SNX13: variants seen among roughly 807,000 people sequenced by gnomAD.
The protein encoded by SNX13 is sorting nexin-13.
SNX13 carries 45 observed loss-of-function variants against 133.6 expected under a neutral mutation model. The ratio of observed to expected loss-of-function variants is 0.34; its 90% confidence interval spans 0.27 to 0.43. The LOEUF (loss-of-function observed/expected upper bound fraction) is 0.43, where lower values mean the gene tolerates loss of function less well. Ranked by LOEUF, SNX13 falls within the 20% of genes least tolerant of loss-of-function variation. The pLI, the probability that SNX13 is intolerant of heterozygous loss-of-function variation, is 1.00. For synonymous variants in SNX13, 414 were observed against 373.9 expected, an observed-to-expected ratio of 1.11 and a Z score of -1.24; for missense variants, 1,032 against 1,145.1, an observed-to-expected ratio of 0.90 and a Z score of 1.43.
chr7:17,923,364 G>A (rs1800347455), intron 1 of SNX13, among the ~76,000 whole-genome samples: 1 of 152,098 alleles, frequency 6.6e-6, no homozygotes, highest in Non-Finnish European at 1.5e-5. Context: ...CTATTTAAAT[G>A]GCAAATAAAA....
At chr7:17,893,472 A>C in intron 2 of SNX13, 38 bp from the exon 3 acceptor site, 1 of 1,269,800 alleles carries the variant, frequency 7.9e-7, no homozygotes, top group Non-Finnish European at 1.1e-6. Flanking sequence ...TAAAAACAAA[A>C]TTTCCTTATA....
At chr7:17,806,035 G>C (rs543700583) in intron 20 of SNX13, among the ~76,000 whole-genome samples, 4 of 152,286 alleles carry the variant, frequency 2.6e-5, no homozygotes, top group South Asian at 2.1e-4. Context: ...AAAACTTTCA[G>C]ATGATCATGC....
chr7:17,897,383 G>A lies in SNX13; in HGVS notation c.76C>T (p.Pro26Ser). The A allele has an allele frequency of 2.5e-6, 4 of 1,604,724 alleles. No homozygotes were observed. The highest frequency in any genetic ancestry group is 3.4e-6 in the Non-Finnish European group (4 of 1,175,028). Reference sequence around the variant, plus strand: ...AATGTCAAATAAAATATTACAAAGGGTCCAAAGGTTATCAGAAAAAGGACA... The same window carrying A: ...AATGTCAAATAAAATATTACAAAGGATCCAAAGGTTATCAGAAAAAGGACA... ...GIVLFLITFG[P>S]FVIFYLTFYI... is the part of the protein sequence containing the mutation. Residue 26 changes from proline (P) to serine (S), a missense_variant, in exon 2 of 26, where the codon CCC becomes TCC. Transcript: ENST00000428135.
chr7:17,814,074 T>A (rs1399470375), intron 20 of SNX13, among the ~76,000 whole-genome samples: 2 of 152,176 alleles, frequency 1.3e-5, no homozygotes, highest in East Asian at 3.8e-4. Flanking sequence ...AATACCAGCT[T>A]CCCCCACTGC....
At chr7:17,838,468 T>C (rs1260938074) in intron 13 of SNX13, among the ~76,000 whole-genome samples, 1 of 151,934 alleles carries the variant, frequency 6.6e-6, no homozygotes, top group Non-Finnish European at 1.5e-5. Context: ...TTTTCTGTTT[T>C]CTATTCACTG....
intron 9 of SNX13, among the ~76,000 whole-genome samples, chr7:17,853,811 G>A (rs191783142): frequency 0.015 from 2,297 of 152,060 alleles, 60 homozygotes; most frequent in African/African-American, 0.053. Flanking sequence ...GCATGCTGGT[G>A]GGCACCTGTA....
At chr7:17,832,026 A>T (rs1314233297) in intron 15 of SNX13, 1 of 983,900 alleles carries the variant, frequency 1.0e-6, no homozygotes, top group African/African-American at 1.8e-5. Flanking sequence ...ATCAATTAGG[A>T]AACAAAATAT....
Position 17,792,051 on chromosome 7 carries a change from G to A in SNX13, c.*1994C>T, listed in dbSNP as rs1048656686. ...TTTATTTCCCTAATTGATGGCCAGT[G>A]CTCCTCACATTATATAGAAATGCTT... On this transcript the variant is annotated 3_prime_UTR_variant, in exon 26 of 26. Transcript: ENST00000428135. The A allele has an allele frequency of 6.6e-6, 1 of 152,016 alleles. No homozygotes were observed. Among genetic ancestry groups the A allele is most frequent in the South Asian group, 2.1e-4 (1 of 4,824 alleles). 9.4% of individuals were successfully genotyped at this position (152,016 alleles called of 1,614,324 possible). A position where few individuals can be genotyped will look rare whatever the true frequency, so the allele number is the denominator to read the frequency against.
chr7:17,805,689 T>C (rs538047337), intron 20 of SNX13, among the ~76,000 whole-genome samples: 1 of 152,310 alleles, frequency 6.6e-6, no homozygotes, highest in African/African-American at 2.4e-5. Flanking sequence ...ATGAATACTA[T>C]CTCACATGCT....
chr7:17,919,022 A>C (rs1188654394), intron 1 of SNX13, among the ~76,000 whole-genome samples: 1 of 152,196 alleles, frequency 6.6e-6, no homozygotes, highest in Non-Finnish European at 1.5e-5. Context: ...TCTCACTTAA[A>C]AGTAGGAGCT....
At chr7:17,832,252 G>A in intron 15 of SNX13, 1 of 984,532 alleles carries the variant, frequency 1.0e-6, no homozygotes, top group Non-Finnish European at 1.2e-6. Flanking sequence ...ACTGCTTATA[G>A]TTTGCTTCCA....
chr7:17,869,276 T>C (rs73081373), intron 8 of SNX13, among the ~76,000 whole-genome samples: 7,462 of 152,190 alleles, frequency 0.049, 224 homozygotes, highest in South Asian at 0.11. Context: ...ATGAGTGGAA[T>C]TGGTCAACTT....
intron 1 of SNX13, among the ~76,000 whole-genome samples, chr7:17,918,901 T>C (rs907139186): frequency 6.6e-6 from 1 of 152,100 alleles, no homozygotes; most frequent in African/African-American, 2.4e-5. Context: ...GTACATATAC[T>C]ACGCAGCCAC....
intron 20 of SNX13, among the ~76,000 whole-genome samples, chr7:17,807,839 C>CAAA (rs1562670303): frequency 3.3e-5 from 5 of 151,568 alleles, no homozygotes; most frequent in African/African-American, 9.7e-5. Context: ...CTGGAGTGGG[C>CAAA]CTCCAGCAAA....
At chr7:17,906,076 T>C (rs1435357256) in intron 1 of SNX13, among the ~76,000 whole-genome samples, 1 of 152,170 alleles carries the variant, frequency 6.6e-6, no homozygotes, top group Non-Finnish European at 1.5e-5. Flanking sequence ...AATGCACTAT[T>C]CAAGAGTTTC....
chr7:17,843,176 A>G (rs1385666420), intron 12 of SNX13, among the ~76,000 whole-genome samples: 1 of 152,096 alleles, frequency 6.6e-6, no homozygotes, highest in African/African-American at 2.4e-5. Context: ...ATCCAATGAT[A>G]TACTGTCTAC....
chr7:17,891,528 C>T lies in SNX13; in HGVS notation c.318+18G>A, dbSNP rs781057615. The stretch of plus-strand genomic sequence containing the variant: ...GAACACAATATATAGAATTCAAATA[C>T]CACACGCTGAAACTCACTTGCTGGA... On this transcript the variant is annotated intron_variant, in intron 4 of 25. Coordinates refer to ENST00000428135, the MANE Select transcript of SNX13 (RefSeq NM_015132.5). 1.1e-5 allele frequency: 17 copies of T among 1,582,022 alleles called. No homozygotes were observed. The East Asian group carries it at 2.5e-4, about 23-fold the overall frequency.
At chr7:17,934,175 G>A (rs10235986) in intron 1 of SNX13, among the ~76,000 whole-genome samples, 2,946 of 152,120 alleles carry the variant, frequency 0.019, 96 homozygotes, top group African/African-American at 0.067. Context: ...TTGCTTCAAC[G>A]TTTCCTCTCC....
intron 5 of SNX13, among the ~76,000 whole-genome samples, chr7:17,887,008 A>T (rs1411714895): frequency 1.3e-5 from 2 of 152,088 alleles, no homozygotes; most frequent in African/African-American, 2.4e-5. Flanking sequence ...AGGGTCAAAG[A>T]ATCTGTGTAC....
Sources: gnomAD v4.1 joint callset for allele counts (sites outside exome capture counted in the v4.1 genomes callset) on GRCh38, gnomAD v4.1.1 for gene constraint, MANE v1.5 for transcripts, NCBI Gene and HGNC (gene_info 2026-07-23, HGNC 2026-07-21) for gene names.